The following HMGCLL1 variants were observed in gnomAD, a reference collection of about 807,000 sequenced individuals.
HMGCLL1 encodes 3-hydroxy-3-methylglutaryl-CoA lyase like 1.
Under a neutral mutation model 39.1 loss-of-function variants are expected in HMGCLL1, and 36 were observed. The ratio of observed to expected loss-of-function variants is 0.92; its 90% CI spans 0.71 to 1.22. The LOEUF is 1.22. HMGCLL1 is among the 50% of genes most tolerant of loss of function. The pLI, the probability that HMGCLL1 is intolerant of heterozygous loss-of-function variation, is 0.00. For synonymous variants in HMGCLL1, 149 were observed against 144.0 expected, an observed-to-expected ratio of 1.03 and a Z score of -0.25; for missense variants, 451 against 416.5, an observed-to-expected ratio of 1.08 and a Z score of -0.72.
the HMGCLL1 span, among the ~76,000 whole-genome samples, chr6:55,659,442 T>A: frequency 3.3e-5 from 5 of 152,012 alleles, no homozygotes; most frequent in East Asian, 9.7e-4. Context: ...CCTGCAGAGA[T>A]AGAATCAGAA....
At chr6:55,653,442 G>GCAAA in the HMGCLL1 span, among the ~76,000 whole-genome samples, 1 of 151,958 alleles carries the variant, frequency 6.6e-6, no homozygotes, top group Non-Finnish European at 1.5e-5. Context: ...AGATCTTAGA[G>GCAAA]AAAAAATACA....
chr6:55,484,194 C>A (rs1428485558), intron 7 of HMGCLL1, among the ~76,000 whole-genome samples: 2 of 152,212 alleles, frequency 1.3e-5, no homozygotes, highest in African/African-American at 4.8e-5. Context: ...TGTGGACAAT[C>A]CTTGGTCCTC....
chr6:55,477,404 TC>T (rs1239419476), intron 7 of HMGCLL1, among the ~76,000 whole-genome samples: 1 of 28,008 alleles, frequency 3.6e-5, no homozygotes, highest in Non-Finnish European at 5.1e-5. Context: ...ATATATATTA[TC>T]TAAATATATA....
chr6:55,564,195 T>A (rs1248075346), intron 1 of HMGCLL1, among the ~76,000 whole-genome samples: 1 of 152,046 alleles, frequency 6.6e-6, no homozygotes. Flanking sequence ...TGCCTTGTCA[T>A]TATTTTTTTC....
intron 7 of HMGCLL1, among the ~76,000 whole-genome samples, chr6:55,488,748 T>C (rs1225492739): frequency 1.3e-5 from 2 of 152,054 alleles, no homozygotes; most frequent in East Asian, 3.8e-4. Context: ...CCTTCACTGA[T>C]ACTATTAAAT....
intron 3 of HMGCLL1, among the ~76,000 whole-genome samples, chr6:55,523,384 T>C (rs1768135134): frequency 6.6e-6 from 1 of 152,008 alleles, no homozygotes; most frequent in Admixed American, 6.6e-5. Context: ...TTGCTTTGAC[T>C]GCTCTATAGC....
chr6:55,572,511 C>T (rs1057463290), intron 1 of HMGCLL1, among the ~76,000 whole-genome samples: 4 of 151,836 alleles, frequency 2.6e-5, no homozygotes, highest in African/African-American at 4.8e-5. Flanking sequence ...ATATTCATTA[C>T]CTTTATAACT....
At chr6:55,501,442 T>C (rs1055420638) in intron 5 of HMGCLL1, among the ~76,000 whole-genome samples, 2 of 151,898 alleles carry the variant, frequency 1.3e-5, no homozygotes, top group African/African-American at 2.4e-5. Context: ...AATGTTATTG[T>C]CTGGAACTTT....
At chr6:55,567,893 C>G (rs1014634070) in intron 1 of HMGCLL1, among the ~76,000 whole-genome samples, 15 of 152,154 alleles carry the variant, frequency 9.9e-5, no homozygotes, top group African/African-American at 3.6e-4. Context: ...GTGTTTGGAA[C>G]TCACAGCTCC....
intron 1 of HMGCLL1, among the ~76,000 whole-genome samples, chr6:55,578,709 T>G (rs145622048): frequency 6.6e-6 from 1 of 152,290 alleles, no homozygotes; most frequent in African/African-American, 2.4e-5. Flanking sequence ...GACCAGCAAA[T>G]GGTCACAGGC....
chr6:55,484,528 A>G (rs1219218468), intron 7 of HMGCLL1, among the ~76,000 whole-genome samples: 1 of 152,092 alleles, frequency 6.6e-6, no homozygotes, highest in Non-Finnish European at 1.5e-5. Context: ...TCTCAAATAT[A>G]ACATGCCCCA....
chr6:55,580,807 C>A (rs1000318250), upstream of HMGCLL1, among the ~76,000 whole-genome samples: 1 of 152,070 alleles, frequency 6.6e-6, no homozygotes, highest in Non-Finnish European at 1.5e-5. Context: ...ACCAAAACTC[C>A]GGTTGTTATT....
chr6:55,677,674 T>C, the HMGCLL1 span, among the ~76,000 whole-genome samples: 1 of 152,206 alleles, frequency 6.6e-6, no homozygotes, highest in African/African-American at 2.4e-5. Context: ...TGTTATCAAA[T>C]GACTACACAG....
chr6:55,650,122 TATATATATATATAC>T, the HMGCLL1 span, among the ~76,000 whole-genome samples: 76 of 78,608 alleles, frequency 9.7e-4, no homozygotes, highest in Admixed American at 2.8e-3. Context: ...TATATATATA[TATATATATATATAC>T]ACACACACAC....
At chr6:55,637,804 T>C in the HMGCLL1 span, among the ~76,000 whole-genome samples, 1 of 151,958 alleles carries the variant, frequency 6.6e-6, no homozygotes, top group Non-Finnish European at 1.5e-5. Context: ...CATAGATACA[T>C]GTATGTACAG....
the HMGCLL1 span, among the ~76,000 whole-genome samples, chr6:55,641,143 T>TA: frequency 4.7e-4 from 71 of 149,806 alleles, no homozygotes; most frequent in South Asian, 4.9e-3. Flanking sequence ...AAATTTTTGG[T>TA]AAAAAAAAAC....
At chr6:55,589,008 C>T in the HMGCLL1 span, among the ~76,000 whole-genome samples, 1 of 152,130 alleles carries the variant, frequency 6.6e-6, no homozygotes, top group South Asian at 2.1e-4. Context: ...CCTTCTGAAA[C>T]TATTCCAATC....
At chr6:55,600,544 T>C in the HMGCLL1 span, among the ~76,000 whole-genome samples, 8 of 152,250 alleles carry the variant, frequency 5.3e-5, no homozygotes, top group Admixed American at 5.2e-4. Context: ...GTAAATACTA[T>C]TACAGCATGA....
At chr6:55,526,550 T>C (rs1303935986) in intron 3 of HMGCLL1, among the ~76,000 whole-genome samples, 1 of 152,066 alleles carries the variant, frequency 6.6e-6, no homozygotes, top group African/African-American at 2.4e-5. Context: ...GACATTTATC[T>C]CCCTTGGTTT....
Sources: allele counts gnomAD v4.1 joint callset (sites outside exome capture counted in the v4.1 genomes callset), GRCh38; gene constraint gnomAD v4.1.1; transcripts MANE v1.5; gene names NCBI Gene and HGNC (gene_info 2026-07-23, HGNC 2026-07-21).